The following ADAMTS14 variants were observed in gnomAD, a reference collection of about 807,000 sequenced individuals.
ADAMTS14 encodes ADAM metallopeptidase with thrombospondin type 1 motif 14.
Under a neutral mutation model 128.6 loss-of-function variants are expected in ADAMTS14, and 100 were observed. That is an observed-to-expected ratio of 0.78 (90% CI 0.66 to 0.92). The LOEUF is 0.92. ADAMTS14 is among the 40% of genes least tolerant of loss of function. ADAMTS14 has a pLI of 0.00. For synonymous variants in ADAMTS14, 665 were observed against 653.8 expected, an observed-to-expected ratio of 1.02 and a Z score of -0.26; for missense variants, 1,562 against 1,658.6, an observed-to-expected ratio of 0.94 and a Z score of 1.01.
At chr10:70,736,873 T>C (rs974640404) in intron 10 of ADAMTS14, 80 bp downstream of exon 10, 17 of 1,329,118 alleles carry the variant, frequency 1.3e-5, no homozygotes, top group Non-Finnish European at 1.8e-5. Context: ...GATCCCAGAG[T>C]GAACCCTGAC....
chr10:70,702,473 G>A lies in ADAMTS14; in HGVS notation c.679+5G>A. On this transcript the variant is annotated splice_donor_5th_base_variant and intron_variant, in intron 3 of 21. Coordinates refer to ENST00000373207, the MANE Select transcript of ADAMTS14 (RefSeq NM_080722.4). ...ACGGGGACCTGCACAATGAAGGTAGGCTGTAGGTAGGGGCCTGTGTGCTGC... is the reference window on the plus strand; with the variant it reads ...ACGGGGACCTGCACAATGAAGGTAGACTGTAGGTAGGGGCCTGTGTGCTGC... The A allele has an allele frequency of 6.3e-7, 1 of 1,598,768 alleles. No individual in the cohort carries two copies.
At position 70,735,271 on chromosome 10, in the gene ADAMTS14, C is replaced by T. The variant is rs1184937175; in HGVS notation, c.1455C>T (p.Asp485=). Residue 485 remains aspartate, a synonymous_variant, in exon 9 of 22, where the codon GAC becomes GAT. Coordinates refer to ENST00000373207, the MANE Select transcript of ADAMTS14 (RefSeq NM_080722.4). ...NYSMDEQCRF[D]FGSGYQTCLA... is the part of the protein sequence containing the mutation. ...CAATGGATGAGCAGTGCCGCTTTGA[C>T]TTTGGCAGTGGCTACCAGACCTGCT... is the stretch of plus-strand genomic sequence containing the variant. 1 of 1,613,900 alleles carries T rather than the reference C, an allele frequency of 6.2e-7. No homozygotes were observed. The highest frequency in any genetic ancestry group is 1.3e-5 in the African/African-American group (1 of 74,956).
At position 70,761,016 on chromosome 10, in the gene ADAMTS14, G is replaced by C. The variant is rs1716314801; in HGVS notation, c.*163G>C. ...TGTGATGCTCTTTACCCCACAAAGC[G>C]GGGTGGGAGGAAGACAAAGATCAGG... On this transcript the variant is annotated 3_prime_UTR_variant, in exon 22 of 22. Transcript: ENST00000373207. 9.3e-7 allele frequency: 1 copy of C among 1,077,462 alleles called. No homozygotes were observed. Among genetic ancestry groups the C allele is most frequent in the African/African-American group, 1.6e-5 (1 of 63,148 alleles). 66.7% of individuals were successfully genotyped at this position (1,077,462 alleles called of 1,614,324 possible).
chr10:70,734,665 T>A (rs990135083), intron 8 of ADAMTS14, among the ~76,000 whole-genome samples: 1 of 152,194 alleles, frequency 6.6e-6, no homozygotes, highest in African/African-American at 2.4e-5. Context: ...ACTCAGGACC[T>A]TGAGGCCTGA....
intron 18 of ADAMTS14, 105 bp downstream of exon 18, chr10:70,752,332 C>T: frequency 6.9e-7 from 1 of 1,456,666 alleles, no homozygotes; most frequent in Non-Finnish European, 9.2e-7. Context: ...GTTATGGAGA[C>T]ACGACCATAC....
chr10:70,739,865 C>T (rs1340661843), intron 11 of ADAMTS14, among the ~76,000 whole-genome samples: 6 of 152,148 alleles, frequency 3.9e-5, no homozygotes, highest in Non-Finnish European at 8.8e-5. Context: ...AGAATATAGC[C>T]GTATAGTTAA....
intron 5 of ADAMTS14, among the ~76,000 whole-genome samples, 156 bp from the exon 6 acceptor site, chr10:70,729,946 C>T (rs1358428277): frequency 6.6e-6 from 1 of 152,204 alleles, no homozygotes; most frequent in African/African-American, 2.4e-5. Context: ...GGCTGTGTGC[C>T]AGCAGCAGTT....
intron 17 of ADAMTS14, 47 bp from the exon 18 acceptor site, chr10:70,752,048 G>A: frequency 6.3e-7 from 1 of 1,576,966 alleles, no homozygotes; most frequent in Non-Finnish European, 8.6e-7. Flanking sequence ...CCAGGGCAAT[G>A]GGGGGCCTGG....
intron 4 of ADAMTS14, 48 bp downstream of exon 4, chr10:70,708,826 G>GCCC: frequency 2.5e-6 from 1 of 396,626 alleles, no homozygotes; most frequent in Non-Finnish European, 4.8e-6. Flanking sequence ...GGTGGGGTGG[G>GCCC]CCCCACCCCA....
chr10:70,675,916 G>A (rs201494796), intron 2 of ADAMTS14, among the ~76,000 whole-genome samples: 1 of 152,180 alleles, frequency 6.6e-6, no homozygotes, highest in East Asian at 1.9e-4. Flanking sequence ...TCAGCTTTGA[G>A]AGCGAGAAAA....
Position 70,674,867 on chromosome 10 carries a change from T to C in ADAMTS14, c.394T>C (p.Ser132Pro). ...RPNRRLVVPGSSVEWQEDFRE... is the reference protein window; with the variant it reads ...RPNRRLVVPGPSVEWQEDFRE... ...CAATCGGAGGTTGGTAGTGCCAGGATCCTCAGTGGAGTGGCAGGAGGATTT... is the reference window on the plus strand; with the variant it reads ...CAATCGGAGGTTGGTAGTGCCAGGACCCTCAGTGGAGTGGCAGGAGGATTT... Residue 132 changes from serine (S) to proline (P), a missense_variant, in exon 2 of 22, where the codon TCC becomes CCC. Transcript: ENST00000373207. The C allele has an allele frequency of 6.2e-7, 1 of 1,613,958 alleles. No individual in the cohort carries two copies. Among genetic ancestry groups the C allele is most frequent in the Non-Finnish European group, 8.5e-7 (1 of 1,180,042 alleles).
rs1044254542 is a variant in ADAMTS14, at chr10:70,736,695, C to G, written c.1501C>G (p.Pro501Ala). Reference protein sequence around the residue: ...QTCLAFRTFEPCKQLWCSHPD... With the variant: ...QTCLAFRTFEACKQLWCSHPD... ...TGCCATGCAGTTCAGGACCTTTGAG[C>G]CCTGCAAGCAGCTGTGGTGCAGCCA... Residue 501 changes from proline (P) to alanine (A), a missense_variant, in exon 10 of 22, where the codon CCC becomes GCC. Pro to Ala is a conservative substitution (Grantham distance 27, BLOSUM62 -1). Transcript: ENST00000373207. 3 of 1,613,656 alleles carry G rather than the reference C, an allele frequency of 1.9e-6. No individual in the cohort carries two copies. Among genetic ancestry groups the G allele is most frequent in the Non-Finnish European group, 2.5e-6 (3 of 1,179,794 alleles).
At chr10:70,677,513 T>G (rs1589254172) in intron 2 of ADAMTS14, among the ~76,000 whole-genome samples, 1 of 152,276 alleles carries the variant, frequency 6.6e-6, no homozygotes, top group Non-Finnish European at 1.5e-5. Context: ...TACAGGCTTC[T>G]GGAGGCTTGC....
chr10:70,675,085 T>C (rs1839604684), intron 2 of ADAMTS14, 90 bp downstream of exon 2: 4 of 1,487,400 alleles, frequency 2.7e-6, no homozygotes, highest in Middle Eastern at 2.4e-4. Flanking sequence ...TGTTTTGCAG[T>C]CTGGGCCAAG....
chr10:70,731,271 TCA>T (rs1296251518), intron 6 of ADAMTS14, among the ~76,000 whole-genome samples: 1 of 151,794 alleles, frequency 6.6e-6, no homozygotes, highest in Non-Finnish European at 1.5e-5. Flanking sequence ...GCACAGGCAC[TCA>T]CATAGACACA....
At position 70,735,125 on chromosome 10, in the gene ADAMTS14, T is replaced by C. The variant is rs751391169; in HGVS notation, c.1353-44T>C. On this transcript the variant is annotated intron_variant, in intron 8 of 21. Transcript: ENST00000373207. Reference sequence around the variant, plus strand: ...CCCCTGGGAAGGGAAAGCCTGGGACTTCCTGCTGTCAGCCTGGCTCACCTT... The same window carrying C: ...CCCCTGGGAAGGGAAAGCCTGGGACCTCCTGCTGTCAGCCTGGCTCACCTT... 3.1e-5 allele frequency: 50 copies of C among 1,592,704 alleles called. No individual in the cohort carries two copies. In the South Asian group the frequency reaches 5.6e-4, roughly 18 times the overall value.
intron 15 of ADAMTS14, among the ~76,000 whole-genome samples, chr10:70,747,029 T>C (rs1842199833): frequency 6.6e-6 from 1 of 152,072 alleles, no homozygotes; most frequent in Non-Finnish European, 1.5e-5. Flanking sequence ...AAAACACATA[T>C]CTCTTGGCAG....
chr10:70,700,355 T>C (rs902926361), intron 2 of ADAMTS14, among the ~76,000 whole-genome samples: 1 of 152,186 alleles, frequency 6.6e-6, no homozygotes, highest in African/African-American at 2.4e-5. Context: ...GGTTGGTTTC[T>C]TTTGCACCCT....
chr10:70,751,969 G>T (rs548406209), intron 17 of ADAMTS14, 126 bp from the exon 18 acceptor site: 2 of 1,377,742 alleles, frequency 1.5e-6, no homozygotes, highest in East Asian at 2.4e-5. Flanking sequence ...GTGGGCAGGC[G>T]GGGGCATAGG....
Sources: allele counts gnomAD v4.1 joint callset (sites outside exome capture counted in the v4.1 genomes callset), GRCh38; gene constraint gnomAD v4.1.1; transcripts MANE v1.5; gene names NCBI Gene and HGNC (gene_info 2026-07-23, HGNC 2026-07-21).